Variants in TBC1D32 observed in about 807,000 individuals in gnomAD.
TBC1D32 encodes TBC1 domain family member 32, also known as protein broad-minded.
A neutral mutation model predicts 170.3 loss-of-function variants in TBC1D32; 151 were observed. The observed-to-expected ratio is 0.89, with a 90% confidence interval of 0.78 to 1.01. The LOEUF is 1.01. TBC1D32 is among the 50% of genes least tolerant of loss of function. The pLI, the probability that TBC1D32 is intolerant of heterozygous loss-of-function variation, is 0.00. For synonymous variants in TBC1D32, 498 were observed against 488.0 expected, an observed-to-expected ratio of 1.02 and a Z score of -0.27; for missense variants, 1,464 against 1,457.1, an observed-to-expected ratio of 1.00 and a Z score of -0.08.
chr6:121,309,525 A>G (rs986353238), intron 4 of TBC1D32, among the ~76,000 whole-genome samples: 1 of 152,176 alleles, frequency 6.6e-6, no homozygotes, highest in Admixed American at 6.6e-5. Flanking sequence ...TAAATTTAAT[A>G]GTTTGAGAAA....
Position 121,113,057 on chromosome 6 carries a change from G to T in TBC1D32, c.3169+5C>A. On this transcript the variant is annotated splice_donor_5th_base_variant and intron_variant, in intron 28 of 31. Coordinates refer to ENST00000398212, the MANE Select transcript of TBC1D32 (RefSeq NM_152730.6). ...AGCTATTGTGAATATACTCAAAAAG[G>T]ATATGAAGAGAAGATTTTATGGAAG... 1.9e-6 allele frequency: 3 copies of T among 1,594,640 alleles called. No individual in the cohort carries two copies. Among genetic ancestry groups the T allele is most frequent in the Non-Finnish European group, 8.6e-7 (1 of 1,168,276 alleles).
At chr6:121,323,935 C>T (rs904832438) in intron 1 of TBC1D32, among the ~76,000 whole-genome samples, 2 of 151,948 alleles carry the variant, frequency 1.3e-5, no homozygotes, top group African/African-American at 4.8e-5. Context: ...CAAGACTCCA[C>T]CTCAAAAAGA....
chr6:121,312,570 A>G (rs1808370073), intron 3 of TBC1D32, among the ~76,000 whole-genome samples: 2 of 152,188 alleles, frequency 1.3e-5, no homozygotes, highest in South Asian at 4.1e-4. Flanking sequence ...AACAAGGCAC[A>G]TTCCTTGCCA....
At chr6:121,185,696 G>A (rs977128904) in intron 22 of TBC1D32, among the ~76,000 whole-genome samples, 2 of 151,966 alleles carry the variant, frequency 1.3e-5, no homozygotes, top group Admixed American at 1.3e-4. Flanking sequence ...CACATCCTTG[G>A]CTACTATGCT....
intron 31 of TBC1D32, among the ~76,000 whole-genome samples, chr6:121,086,857 T>TTG (rs1776316341): frequency 6.6e-6 from 1 of 152,108 alleles, no homozygotes; most frequent in Non-Finnish European, 1.5e-5. Context: ...CTAAACCTGT[T>TTG]TGTGTGTGTG....
intron 15 of TBC1D32, among the ~76,000 whole-genome samples, chr6:121,264,382 G>A (rs1183448379): frequency 6.6e-6 from 1 of 152,022 alleles, no homozygotes; most frequent in Non-Finnish European, 1.5e-5. Context: ...TCAAATCCTT[G>A]AATAGACCAA....
intron 17 of TBC1D32, among the ~76,000 whole-genome samples, chr6:121,251,859 G>A (rs570274342): frequency 6.6e-6 from 1 of 151,972 alleles, no homozygotes; most frequent in African/African-American, 2.4e-5. Context: ...AAATTTACAA[G>A]AAAAAACAAC....
chr6:121,306,457 C>T (rs1052623510), intron 5 of TBC1D32, among the ~76,000 whole-genome samples: 10 of 152,048 alleles, frequency 6.6e-5, no homozygotes, highest in Non-Finnish European at 1.3e-4. Flanking sequence ...AGTGTCTAAA[C>T]GAGAATGATA....
intron 22 of TBC1D32, among the ~76,000 whole-genome samples, chr6:121,173,622 CA>C (rs58136618): frequency 2.0e-5 from 3 of 151,384 alleles, no homozygotes; most frequent in Non-Finnish European, 1.5e-5. Context: ...CCAGAAGTCA[CA>C]AAAAACTCTA....
intron 22 of TBC1D32, among the ~76,000 whole-genome samples, chr6:121,182,230 A>G (rs928318582): frequency 6.6e-5 from 10 of 152,048 alleles, no homozygotes; most frequent in African/African-American, 2.2e-4. Context: ...TACTTGATTG[A>G]GATTTCATGA....
At chr6:121,271,060 C>T (rs141712459) in intron 15 of TBC1D32, among the ~76,000 whole-genome samples, 1 of 152,224 alleles carries the variant, frequency 6.6e-6, no homozygotes, top group African/African-American at 2.4e-5. Context: ...AAAAATTCAA[C>T]AGCCCTTCAT....
Position 121,239,084 on chromosome 6 carries a change from G to T in TBC1D32, c.2350C>A (p.Arg784=), listed in dbSNP as rs367966058. The change falls in exon 20 of 32, where the codon CGA becomes AGA. Residue 784 remains arginine, a synonymous_variant. Transcript: ENST00000398212. ...TAACTTCTTACCTTTTGACAGCTTC[G>T]GTCAATAGGATCCACTGGAGTAGTT... The part of the protein sequence containing the change: ...PRTTPVDPID[R]SCQKSFLALV... The T allele has an allele frequency of 6.3e-7, 1 of 1,583,088 alleles. No individual in the cohort carries two copies. Among genetic ancestry groups the T allele is most frequent in the African/African-American group, 1.3e-5 (1 of 74,552 alleles).
chr6:121,319,552 T>C (rs117466586), intron 2 of TBC1D32, among the ~76,000 whole-genome samples: 1,738 of 152,158 alleles, frequency 0.011, 15 homozygotes, highest in Middle Eastern at 0.027. Context: ...CAACATAAAG[T>C]CCCTATCCCC....
intron 6 of TBC1D32, 45 bp downstream of exon 6, chr6:121,304,710 C>T (rs778252801): frequency 7.2e-6 from 11 of 1,527,738 alleles, no homozygotes; most frequent in Admixed American, 5.5e-5. Flanking sequence ...TTCTTAAGTA[C>T]ATGCAAATGA....
chr6:121,110,418 A>G (rs56682268), intron 29 of TBC1D32, among the ~76,000 whole-genome samples: 4,892 of 152,086 alleles, frequency 0.032, 266 homozygotes, highest in African/African-American at 0.11. Flanking sequence ...ATAAATAAAT[A>G]TTAGGACTTG....
In TBC1D32 at chr6:121,267,388, C is replaced by T. The variant is rs569336407; in HGVS notation, c.1734-11103G>A. On this transcript the variant is annotated intron_variant, in intron 15 of 31. Transcript: ENST00000398212. The stretch of plus-strand genomic sequence containing the variant: ...CCTAGCCAAGGGAAGCTATGACAGA[C>T]GGTACCTGGAAAATTGGGACACTCC... Among the ~76,000 whole-genome samples, 101 of 152,228 alleles carry T rather than the reference C, an allele frequency of 6.6e-4. 1 individual carries two copies. The highest frequency in any genetic ancestry group is 2.9e-3 in the South Asian group (14 of 4,816).
chr6:121,169,384 G>C (rs1007903947), intron 22 of TBC1D32, among the ~76,000 whole-genome samples: 1 of 151,998 alleles, frequency 6.6e-6, no homozygotes, highest in African/African-American at 2.4e-5. Context: ...AATTGAAACT[G>C]GACCCCCTCC....
intron 24 of TBC1D32, among the ~76,000 whole-genome samples, chr6:121,143,575 A>G (rs1262277121): frequency 6.6e-6 from 1 of 152,174 alleles, no homozygotes; most frequent in Non-Finnish European, 1.5e-5. Flanking sequence ...CAATGAAATT[A>G]TATCCCAAAA....
At chr6:121,108,841 T>C (rs1281871880) in intron 29 of TBC1D32, among the ~76,000 whole-genome samples, 1 of 152,184 alleles carries the variant, frequency 6.6e-6, no homozygotes, top group East Asian at 1.9e-4. Context: ...TCTGGTCCAG[T>C]CTAGTCCTCC....
Sources: gnomAD v4.1 joint callset for allele counts (sites outside exome capture counted in the v4.1 genomes callset) on GRCh38, gnomAD v4.1.1 for gene constraint, MANE v1.5 for transcripts, NCBI Gene and HGNC (gene_info 2026-07-23, HGNC 2026-07-21) for gene names.